The following C12orf50 variants were observed in gnomAD, a reference collection of about 807,000 sequenced individuals.
The protein encoded by C12orf50 is uncharacterized protein C12orf50.
A neutral mutation model predicts 61.6 loss-of-function variants in C12orf50; 35 were observed. The observed-to-expected ratio is 0.57, with a 90% CI of 0.43 to 0.75. The LOEUF (loss-of-function observed/expected upper bound fraction) is 0.75. C12orf50 is among the 30% of genes least tolerant of loss of function. The probability of loss-of-function intolerance (pLI) is 0.00; values close to 1 mark genes in which losing one functional copy is unlikely to be tolerated. For missense variants in C12orf50, 475 were observed against 488.5 expected (o/e 0.97, Z 0.26); for synonymous variants, 178 against 161.5 (o/e 1.10, Z -0.77).
intron 3 of C12orf50, among the ~76,000 whole-genome samples, chr12:88,018,202 G>A (rs1222041179): frequency 1.3e-5 from 2 of 152,190 alleles, no homozygotes; most frequent in African/African-American, 2.4e-5. Context: ...CCCATGCTGT[G>A]TGCAGCCTAT....
rs763330319 is a variant in C12orf50, at chr12:87,998,193, G to A, written c.134-3C>T. ...AATTTCTTTCTGTAGTGTGATATCTGCAGAGAAAATGCAACATTTCAGTCT... is the reference window on the plus strand; with the variant it reads ...AATTTCTTTCTGTAGTGTGATATCTACAGAGAAAATGCAACATTTCAGTCT... On this transcript the variant is annotated splice_polypyrimidine_tract_variant and splice_region_variant and intron_variant, in intron 3 of 12. Coordinates refer to ENST00000298699, the MANE Select transcript of C12orf50 (RefSeq NM_152589.3). 3.1e-6 allele frequency: 5 copies of A among 1,608,562 alleles called. No homozygotes were observed. The highest frequency in any genetic ancestry group is 4.2e-6 in the Non-Finnish European group (5 of 1,176,612).
chr12:87,998,958 A>G (rs886616577), intron 3 of C12orf50, among the ~76,000 whole-genome samples: 5 of 152,244 alleles, frequency 3.3e-5, no homozygotes, highest in Non-Finnish European at 5.9e-5. Flanking sequence ...ACAAAAATTC[A>G]TGCAAAGTGG....
intron 3 of C12orf50, among the ~76,000 whole-genome samples, chr12:88,019,441 G>T (rs758646525): frequency 2.6e-5 from 4 of 152,136 alleles, no homozygotes; most frequent in Non-Finnish European, 4.4e-5. Context: ...AAATTGCCCA[G>T]TCTTGGGTAT....
At chr12:88,021,469 C>A (rs1301915462) in intron 3 of C12orf50, among the ~76,000 whole-genome samples, 1 of 152,072 alleles carries the variant, frequency 6.6e-6, no homozygotes, top group African/African-American at 2.4e-5. Context: ...GAAACCCAGT[C>A]TCTACTAAAA....
At chr12:88,010,708 G>A (rs1251456795) in intron 3 of C12orf50, among the ~76,000 whole-genome samples, 1 of 151,784 alleles carries the variant, frequency 6.6e-6, no homozygotes, top group African/African-American at 2.4e-5. Flanking sequence ...TCTATTTAAT[G>A]TGTTTAAATA....
At chr12:88,021,202 T>C (rs1415260813) in intron 3 of C12orf50, among the ~76,000 whole-genome samples, 2 of 150,666 alleles carry the variant, frequency 1.3e-5, no homozygotes, top group East Asian at 1.9e-4. Flanking sequence ...CTGAAGGAAA[T>C]GGAGACACAA....
chr12:87,980,213 T>C lies in C12orf50; in HGVS notation c.*118A>G. The C allele has an allele frequency of 1.0e-6, 1 of 963,962 alleles. No homozygotes were observed. The highest frequency in any genetic ancestry group is 1.4e-5 in the South Asian group (1 of 69,714). The allele number at this position is 963,962 out of a possible 1,614,324, so 59.7% of individuals were successfully genotyped here. A position where few individuals can be genotyped will look rare whatever the true frequency, so the allele number is the denominator to read the frequency against. Reference sequence around the variant, plus strand: ...AATTTGCATTTTTATCATCTTTGGCTATCCACTACATAACATGGAGTACTT... The same window carrying C: ...AATTTGCATTTTTATCATCTTTGGCCATCCACTACATAACATGGAGTACTT... On this transcript the variant is annotated 3_prime_UTR_variant, in exon 13 of 13. Coordinates refer to ENST00000298699, the MANE Select transcript of C12orf50 (RefSeq NM_152589.3).
intron 3 of C12orf50, among the ~76,000 whole-genome samples, chr12:88,010,420 AAAATTATTAT>A (rs1278338257): frequency 8.1e-6 from 1 of 123,810 alleles, no homozygotes; most frequent in Non-Finnish European, 1.5e-5. Context: ...TTATAAGATT[AAAATTATTAT>A]AATCTTATAA....
chr12:87,997,398 C>CTA (rs60895188), intron 4 of C12orf50, among the ~76,000 whole-genome samples: 6,250 of 151,850 alleles, frequency 0.041, 408 homozygotes, highest in African/African-American at 0.14. Context: ...ATATAAATAT[C>CTA]TATATATATA....
intron 6 of C12orf50, among the ~76,000 whole-genome samples, chr12:87,995,061 T>G (rs1422021587): frequency 1.3e-5 from 2 of 152,168 alleles, no homozygotes; most frequent in Non-Finnish European, 2.9e-5. Flanking sequence ...GTAATATTAC[T>G]TTTGATTTTA....
intron 3 of C12orf50, among the ~76,000 whole-genome samples, chr12:88,020,971 AGAAATTCTTT>A (rs1235095579): frequency 6.6e-6 from 1 of 152,202 alleles, no homozygotes; most frequent in Non-Finnish European, 1.5e-5. Context: ...GCAGAAATCA[AGAAATTCTTT>A]GAAACTTTTG....
At chr12:88,025,731 T>A (rs531337290) in intron 3 of C12orf50, among the ~76,000 whole-genome samples, 1 of 152,086 alleles carries the variant, frequency 6.6e-6, no homozygotes. Context: ...AGAGCGAGAC[T>A]CCGTCTCAAA....
At chr12:88,025,837 A>G (rs2032683885) in intron 3 of C12orf50, among the ~76,000 whole-genome samples, 1 of 152,222 alleles carries the variant, frequency 6.6e-6, no homozygotes, top group South Asian at 2.1e-4. Flanking sequence ...GGGAAACCTA[A>G]TAGCCCAACC....
chr12:87,998,915 G>T (rs2136436078), intron 3 of C12orf50, among the ~76,000 whole-genome samples: 1 of 152,318 alleles, frequency 6.6e-6, no homozygotes, highest in East Asian at 1.9e-4. Flanking sequence ...CACATGCAAA[G>T]TAATTAAGTT....
At chr12:87,993,300 C>G (rs2031216739) in intron 7 of C12orf50, among the ~76,000 whole-genome samples, 2 of 151,850 alleles carry the variant, frequency 1.3e-5, no homozygotes, top group African/African-American at 4.8e-5. Context: ...TTTTATTAAC[C>G]AAAAAAGCTA....
chr12:88,015,540 G>A (rs1481456082), intron 3 of C12orf50, among the ~76,000 whole-genome samples: 1 of 152,164 alleles, frequency 6.6e-6, no homozygotes, highest in East Asian at 1.9e-4. Flanking sequence ...TAGCTACTGT[G>A]TTTGGAACAA....
intron 6 of C12orf50, among the ~76,000 whole-genome samples, chr12:87,995,336 AAAG>A (rs546638201): frequency 6.4e-4 from 98 of 152,344 alleles, no homozygotes; most frequent in African/African-American, 2.3e-3. Context: ...ATTTGTGGGA[AAAG>A]AAGGTTATAA....
intron 3 of C12orf50, among the ~76,000 whole-genome samples, chr12:88,012,056 T>A (rs182494054): frequency 9.5e-4 from 145 of 152,346 alleles, no homozygotes; most frequent in African/African-American, 3.4e-3. Context: ...CAGAGCTGTT[T>A]TGTTTTGCAT....
Position 87,987,800 on chromosome 12 carries a change from G to A in C12orf50, c.817+50C>T, listed in dbSNP as rs748266094. ...TTTTAAATAAGCAAAACAAATCCATGGTAAGACAAATATATCTGAGGCCAA... is the reference window on the plus strand; with the variant it reads ...TTTTAAATAAGCAAAACAAATCCATAGTAAGACAAATATATCTGAGGCCAA... On this transcript the variant is annotated intron_variant, in intron 9 of 12. Coordinates refer to ENST00000298699, the MANE Select transcript of C12orf50 (RefSeq NM_152589.3). The A allele has an allele frequency of 4.8e-5, 56 of 1,165,214 alleles. 1 individual carries two copies. The Admixed American group carries it at 5.2e-4, about 11-fold the overall frequency. 72.2% of individuals were successfully genotyped at this position (1,165,214 alleles called of 1,614,324 possible).
Sources: gnomAD v4.1 joint callset for allele counts (sites outside exome capture counted in the v4.1 genomes callset) on GRCh38, gnomAD v4.1.1 for gene constraint, MANE v1.5 for transcripts, NCBI Gene and HGNC (gene_info 2026-07-23, HGNC 2026-07-21) for gene names.